FBXO40: variants seen among roughly 807,000 people sequenced by gnomAD.
FBXO40 encodes the protein F-box only protein 40.
FBXO40 carries 50 observed loss-of-function variants against 49.9 expected under a neutral mutation model. That is an observed-to-expected ratio of 1.00 (90% CI 0.80 to 1.27). The LOEUF (loss-of-function observed/expected upper bound fraction) is 1.27, where lower values mean the gene tolerates loss of function less well. FBXO40 is among the 50% of genes most tolerant of loss of function. The pLI, the probability that FBXO40 is intolerant of heterozygous loss-of-function variation, is 0.00. For synonymous variants in FBXO40, 340 were observed against 320.2 expected (o/e 1.06, Z -0.66); for missense variants, 895 against 870.1 (o/e 1.03, Z -0.36).
At chr3:121,625,281 C>T (rs567255858) in intron 3 of FBXO40, among the ~76,000 whole-genome samples, 1 of 152,298 alleles carries the variant, frequency 6.6e-6, no homozygotes, top group East Asian at 1.9e-4. Context: ...TACTATGAAC[C>T]ATGAATTTGT....
intron 1 of FBXO40, among the ~76,000 whole-genome samples, chr3:121,594,659 A>G (rs1041322766): frequency 6.6e-6 from 1 of 152,016 alleles, no homozygotes; most frequent in Non-Finnish European, 1.5e-5. Flanking sequence ...ATACTATTCA[A>G]ACTCCGCAGA....
chr3:121,594,288 C>T (rs762747128), intron 1 of FBXO40, among the ~76,000 whole-genome samples: 3 of 152,110 alleles, frequency 2.0e-5, no homozygotes, highest in Non-Finnish European at 4.4e-5. Flanking sequence ...GCAACCTCCA[C>T]CTTCTAGGTT....
intron 1 of FBXO40, among the ~76,000 whole-genome samples, chr3:121,604,110 G>C (rs555308923): frequency 2.0e-5 from 3 of 152,144 alleles, no homozygotes; most frequent in Non-Finnish European, 4.4e-5. Context: ...TAATCCTAAG[G>C]GACACTGAAG....
At chr3:121,609,605 T>G (rs1456432439) in intron 1 of FBXO40, among the ~76,000 whole-genome samples, 1 of 152,168 alleles carries the variant, frequency 6.6e-6, no homozygotes, top group Non-Finnish European at 1.5e-5. Context: ...AATGCATCCT[T>G]ATCTTCCTTT....
At chr3:121,623,377 C>G in intron 3 of FBXO40, 34 bp downstream of exon 3, 1 of 1,559,450 alleles carries the variant, frequency 6.4e-7, no homozygotes, top group Non-Finnish European at 8.7e-7. Flanking sequence ...TTGACTCATT[C>G]AGCAATTTTT....
chr3:121,612,609 T>C (rs2048972249), intron 1 of FBXO40, among the ~76,000 whole-genome samples: 1 of 152,120 alleles, frequency 6.6e-6, no homozygotes, highest in South Asian at 2.1e-4. Context: ...TTTAAATCCT[T>C]ATCCTGACTA....
chr3:121,610,827 G>A (rs2048960132), intron 1 of FBXO40, among the ~76,000 whole-genome samples: 1 of 152,098 alleles, frequency 6.6e-6, no homozygotes, highest in Non-Finnish European at 1.5e-5. Flanking sequence ...TTTTAGTAGA[G>A]ACAGGGTTTC....
chr3:121,596,449 T>A (rs1365992707), intron 1 of FBXO40, among the ~76,000 whole-genome samples: 1 of 152,216 alleles, frequency 6.6e-6, no homozygotes, highest in African/African-American at 2.4e-5. Flanking sequence ...CCTTAGACCA[T>A]CAGCTTCATC....
chr3:121,608,449 G>A (rs1257554296), intron 1 of FBXO40, among the ~76,000 whole-genome samples: 7 of 152,176 alleles, frequency 4.6e-5, no homozygotes, highest in Admixed American at 4.6e-4. Context: ...TTGTTAAGAG[G>A]CTCATCTCTT....
chr3:121,619,466 T>G (rs1285408801), intron 1 of FBXO40, among the ~76,000 whole-genome samples: 2 of 152,244 alleles, frequency 1.3e-5, no homozygotes, highest in Non-Finnish European at 1.5e-5. Flanking sequence ...CATTTTTCCT[T>G]GGCTCAAATA....
In FBXO40 at chr3:121,605,219, G is replaced by A. The variant is rs544745544; in HGVS notation, c.-31+11717G>A. 4.6e-5 allele frequency among the ~76,000 whole-genome samples: 7 copies of A among 152,268 alleles called. No homozygotes were observed. In the South Asian group the frequency reaches 1.5e-3, roughly 32 times the overall value. On this transcript the variant is annotated intron_variant, in intron 1 of 3. Transcript: ENST00000338040. ...CCCAAAGTGCTGGGATTACAGGCAT[G>A]AGCCACCATGCCAGCCTGGCTGGCT...
At chr3:121,610,646 G>GT (rs1553839732) in intron 1 of FBXO40, among the ~76,000 whole-genome samples, 1 of 151,698 alleles carries the variant, frequency 6.6e-6, no homozygotes, top group Non-Finnish European at 1.5e-5. Context: ...TTTTTTTGTT[G>GT]TTTTTTTCCT....
chr3:121,606,424 G>T (rs1266293447), intron 1 of FBXO40, among the ~76,000 whole-genome samples: 2 of 152,200 alleles, frequency 1.3e-5, no homozygotes, highest in Admixed American at 6.5e-5. Context: ...CAGAGCACTT[G>T]ATATGGACCT....
intron 1 of FBXO40, among the ~76,000 whole-genome samples, chr3:121,611,090 G>A (rs1483893090): frequency 6.6e-6 from 1 of 152,150 alleles, no homozygotes; most frequent in Non-Finnish European, 1.5e-5. Context: ...ATCTTGCCAG[G>A]TTAAATCATA....
intron 1 of FBXO40, among the ~76,000 whole-genome samples, chr3:121,602,557 CATCTT>C (rs2048905789): frequency 6.6e-6 from 1 of 152,182 alleles, no homozygotes; most frequent in Non-Finnish European, 1.5e-5. Context: ...CTATGTGTCT[CATCTT>C]GACTATTTTT....
intron 3 of FBXO40, 36 bp from the exon 4 acceptor site, chr3:121,626,659 C>T (rs375026245): frequency 6.3e-7 from 1 of 1,592,960 alleles, no homozygotes; most frequent in Middle Eastern, 1.7e-4. Context: ...GGTAACACCC[C>T]TATATTCACC....
chr3:121,603,220 C>A (rs1228132112), intron 1 of FBXO40, among the ~76,000 whole-genome samples: 1 of 152,164 alleles, frequency 6.6e-6, no homozygotes, highest in African/African-American at 2.4e-5. Context: ...AGAGCAGATT[C>A]TCAGATTCCC....
At chr3:121,601,298 T>C (rs2048899832) in intron 1 of FBXO40, among the ~76,000 whole-genome samples, 2 of 152,198 alleles carry the variant, frequency 1.3e-5, no homozygotes, top group Admixed American at 1.3e-4. Flanking sequence ...GTCAAACTTC[T>C]CTGGAGTGGT....
chr3:121,600,218 T>A (rs1408057207), intron 1 of FBXO40, among the ~76,000 whole-genome samples: 1 of 148,436 alleles, frequency 6.7e-6, no homozygotes, highest in Non-Finnish European at 1.5e-5. Context: ...TTTTTTTTTT[T>A]TAGTAGAGAC....
Sources: gnomAD v4.1 joint callset for allele counts (sites outside exome capture counted in the v4.1 genomes callset) on GRCh38, gnomAD v4.1.1 for gene constraint, MANE v1.5 for transcripts, NCBI Gene and HGNC (gene_info 2026-07-23, HGNC 2026-07-21) for gene names.